PRR16: variants seen among roughly 807,000 people sequenced by gnomAD.
PRR16 encodes protein Largen.
In PRR16, 6 loss-of-function variants were observed where a neutral mutation model predicts 18.2. The ratio of observed to expected loss-of-function variants is 0.33; its 90% CI spans 0.18 to 0.65. PRR16 has a LOEUF of 0.65. Among genes scored for constraint, PRR16 ranks in the 30% least tolerant of loss-of-function variants. The pLI, the probability that PRR16 is intolerant of heterozygous loss-of-function variation, is 0.74. For missense variants in PRR16, 412 were observed against 376.6 expected, an observed-to-expected ratio of 1.09 and a Z score of -0.78; for synonymous variants, 151 against 147.8, an observed-to-expected ratio of 1.02 and a Z score of -0.16.
chr5:120,672,170 T>G (rs2150147241), intron 1 of PRR16, among the ~76,000 whole-genome samples: 1 of 151,722 alleles, frequency 6.6e-6, no homozygotes, highest in South Asian at 2.1e-4. Context: ...ATAACAGGAC[T>G]TGAAGGCAAT....
At chr5:120,573,995 G>A (rs1010090366) in intron 1 of PRR16, among the ~76,000 whole-genome samples, 4 of 151,472 alleles carry the variant, frequency 2.6e-5, no homozygotes, top group Non-Finnish European at 5.9e-5. Flanking sequence ...ACATTACAGA[G>A]TATAGAAAAA....
intron 1 of PRR16, among the ~76,000 whole-genome samples, chr5:120,504,008 A>G (rs2112847172): frequency 6.6e-6 from 1 of 151,838 alleles, no homozygotes; most frequent in South Asian, 2.1e-4. Context: ...CATGATGTAT[A>G]TGTGCCACAT....
intron 1 of PRR16, among the ~76,000 whole-genome samples, chr5:120,619,326 G>A (rs1754613160): frequency 6.6e-6 from 1 of 152,082 alleles, no homozygotes; most frequent in African/African-American, 2.4e-5. Flanking sequence ...TAAAAATGAT[G>A]AATTGACTGT....
At chr5:120,518,112 C>T (rs1751056519) in intron 1 of PRR16, among the ~76,000 whole-genome samples, 1 of 152,088 alleles carries the variant, frequency 6.6e-6, no homozygotes, top group Non-Finnish European at 1.5e-5. Context: ...GACTTACCCT[C>T]TTTTTACGTC....
chr5:120,699,686 A>G, the PRR16 span, among the ~76,000 whole-genome samples: 17 of 152,308 alleles, frequency 1.1e-4, no homozygotes, highest in African/African-American at 3.6e-4. Context: ...GCACGCAGAC[A>G]TGAGGGCTAG....
chr5:120,788,298 ATTGAAGTT>A, the PRR16 span, among the ~76,000 whole-genome samples: 1 of 152,034 alleles, frequency 6.6e-6, no homozygotes, highest in Admixed American at 6.6e-5. Flanking sequence ...CAAATAATAG[ATTGAAGTT>A]TTAATAAGCT....
chr5:120,721,594 G>A, the PRR16 span, among the ~76,000 whole-genome samples: 1 of 152,028 alleles, frequency 6.6e-6, no homozygotes, highest in Admixed American at 6.6e-5. Flanking sequence ...GAACAGGGAG[G>A]TCAGTGTGCC....
At chr5:120,598,697 T>C (rs1341299803) in intron 1 of PRR16, among the ~76,000 whole-genome samples, 1 of 151,820 alleles carries the variant, frequency 6.6e-6, no homozygotes, top group Non-Finnish European at 1.5e-5. Flanking sequence ...GGTTTTCCGT[T>C]TGTGTTAGCT....
At chr5:120,746,124 CTTT>C in the PRR16 span, among the ~76,000 whole-genome samples, 178 of 148,432 alleles carry the variant, frequency 1.2e-3, no homozygotes, top group Non-Finnish European at 1.9e-3. Flanking sequence ...TTTCTAAAAG[CTTT>C]TTTTTTTCTA....
At chr5:120,718,818 G>C in the PRR16 span, among the ~76,000 whole-genome samples, 2 of 152,032 alleles carry the variant, frequency 1.3e-5, no homozygotes, top group Admixed American at 1.3e-4. Context: ...ACTAGATTCT[G>C]TCCCTAAAAT....
intron 1 of PRR16, among the ~76,000 whole-genome samples, chr5:120,645,341 CACACACACACAGACAT>C (rs1286454096): frequency 2.0e-5 from 3 of 151,728 alleles, no homozygotes; most frequent in African/African-American, 7.3e-5. Flanking sequence ...CATGCATACA[CACACACACACAGACAT>C]GCACACACAC....
intron 1 of PRR16, among the ~76,000 whole-genome samples, chr5:120,676,921 T>A (rs1487445896): frequency 1.3e-5 from 2 of 152,142 alleles, no homozygotes; most frequent in African/African-American, 2.4e-5. Context: ...ATTTTTAAGG[T>A]TTGTATAGAT....
chr5:120,649,988 G>T (rs1003287449), intron 1 of PRR16, among the ~76,000 whole-genome samples: 1 of 151,904 alleles, frequency 6.6e-6, no homozygotes, highest in Non-Finnish European at 1.5e-5. Flanking sequence ...GGGAGGCCTA[G>T]GTGGGCAGAT....
At chr5:120,705,488 C>G in the PRR16 span, among the ~76,000 whole-genome samples, 1 of 151,972 alleles carries the variant, frequency 6.6e-6, no homozygotes, top group Non-Finnish European at 1.5e-5. Context: ...TTTCAGTGTT[C>G]AGGAAAATGA....
At chr5:120,717,365 A>G in the PRR16 span, among the ~76,000 whole-genome samples, 1 of 152,174 alleles carries the variant, frequency 6.6e-6, no homozygotes, top group Non-Finnish European at 1.5e-5. Flanking sequence ...GTTCTGATCT[A>G]GTCATTGTTT....
At chr5:120,645,674 G>C (rs1454359754) in intron 1 of PRR16, among the ~76,000 whole-genome samples, 1 of 152,046 alleles carries the variant, frequency 6.6e-6, no homozygotes, top group Non-Finnish European at 1.5e-5. Flanking sequence ...ACATATGTTT[G>C]TGGGTCCTTC....
At chr5:120,790,755 C>T in the PRR16 span, 117 of 152,052 alleles carry the variant, frequency 7.7e-4, no homozygotes, top group African/African-American at 2.7e-3. Flanking sequence ...ACAGATGGTC[C>T]CATGAGTTTT....
At chr5:120,783,812 T>C in the PRR16 span, among the ~76,000 whole-genome samples, 2 of 152,154 alleles carry the variant, frequency 1.3e-5, no homozygotes, top group Non-Finnish European at 2.9e-5. Context: ...CTAGATCTTA[T>C]TCTTACAATC....
At chr5:120,769,086 C>CT in the PRR16 span, among the ~76,000 whole-genome samples, 1 of 111,790 alleles carries the variant, frequency 8.9e-6, no homozygotes, top group African/African-American at 2.7e-5. Context: ...GTCTTCATGC[C>CT]TTTATTTTTT....
Sources: gnomAD v4.1 joint callset for allele counts (sites outside exome capture counted in the v4.1 genomes callset) on GRCh38, gnomAD v4.1.1 for gene constraint, MANE v1.5 for transcripts, NCBI Gene and HGNC (gene_info 2026-07-23, HGNC 2026-07-21) for gene names.